RBFOX1: variants seen among roughly 807,000 people sequenced by gnomAD.
RBFOX1 encodes RNA binding protein fox-1 homolog 1.
In RBFOX1, 8 loss-of-function variants were observed where a neutral mutation model predicts 57.7. The ratio of observed to expected loss-of-function variants is 0.14; its 90% CI spans 0.08 to 0.25. RBFOX1 has a LOEUF of 0.25. Ranked by LOEUF, RBFOX1 falls within the 10% of genes least tolerant of loss-of-function variation. The pLI, the probability that RBFOX1 is intolerant of heterozygous loss-of-function variation, is 1.00. For missense variants in RBFOX1, 611 were observed against 548.5 expected, an observed-to-expected ratio of 1.11 and a Z score of -1.14; for synonymous variants, 326 against 222.4, an observed-to-expected ratio of 1.47 and a Z score of -4.15.
At chr16:7,304,496 C>T (rs554113619) in intron 4 of RBFOX1, 64 of 985,168 alleles carry the variant, frequency 6.5e-5, no homozygotes, top group African/African-American at 2.1e-4. Flanking sequence ...GTAAGGCGCG[C>T]GTCTGCCCTC....
chr16:7,257,570 G>A (rs914323556), intron 4 of RBFOX1, among the ~76,000 whole-genome samples: 2 of 152,006 alleles, frequency 1.3e-5, no homozygotes, highest in East Asian at 1.9e-4. Flanking sequence ...CCAGCCCACC[G>A]TTGCCCACCC....
At chr16:6,793,878 A>G (rs1185181356) in intron 3 of RBFOX1, among the ~76,000 whole-genome samples, 1 of 152,106 alleles carries the variant, frequency 6.6e-6, no homozygotes. Flanking sequence ...GAGTTTTTTT[A>G]AAAAGGTTAT....
At chr16:6,737,193 T>C (rs1237578873) in intron 3 of RBFOX1, among the ~76,000 whole-genome samples, 2 of 152,162 alleles carry the variant, frequency 1.3e-5, no homozygotes, top group African/African-American at 4.8e-5. Context: ...TATTTGGCTA[T>C]AGGTCAAGCA....
At chr16:6,986,414 G>A (rs1168426936) in intron 3 of RBFOX1, among the ~76,000 whole-genome samples, 1 of 151,900 alleles carries the variant, frequency 6.6e-6, no homozygotes, top group East Asian at 1.9e-4. Flanking sequence ...GGCCAGGCTG[G>A]TCTGGAACTC....
chr16:5,818,880 A>T (rs1441975821), intron 3 of RBFOX1, among the ~76,000 whole-genome samples: 1 of 152,104 alleles, frequency 6.6e-6, no homozygotes, highest in African/African-American at 2.4e-5. Flanking sequence ...AGTCTGTGTA[A>T]ATGGTTCCTC....
At chr16:6,897,070 G>A (rs527611310) in intron 3 of RBFOX1, among the ~76,000 whole-genome samples, 2 of 152,152 alleles carry the variant, frequency 1.3e-5, no homozygotes, top group African/African-American at 2.4e-5. Flanking sequence ...AATGCTGGCA[G>A]CACCTGAGGA....
intron 2 of RBFOX1, among the ~76,000 whole-genome samples, chr16:6,435,118 C>T (rs74971617): frequency 0.043 from 6,563 of 152,232 alleles, 461 homozygotes; most frequent in African/African-American, 0.15. Flanking sequence ...TCTAGGACCT[C>T]AAAGGAATGG....
At chr16:5,754,128 A>C (rs543481746) in intron 3 of RBFOX1, among the ~76,000 whole-genome samples, 2 of 152,188 alleles carry the variant, frequency 1.3e-5, no homozygotes, top group South Asian at 2.1e-4. Context: ...TAGCCATGCA[A>C]GTATTTTCCT....
intron 1 of RBFOX1, among the ~76,000 whole-genome samples, chr16:5,361,458 C>A (rs532630280): frequency 6.6e-6 from 1 of 152,184 alleles, no homozygotes; most frequent in Non-Finnish European, 1.5e-5. Context: ...AAGAAACTCT[C>A]AGTGACTGTA....
chr16:6,236,004 A>G (rs955810224), intron 1 of RBFOX1, among the ~76,000 whole-genome samples: 18 of 152,222 alleles, frequency 1.2e-4, no homozygotes, highest in African/African-American at 4.3e-4. Flanking sequence ...AACCTATGGA[A>G]ATAAAAAAAA....
chr16:6,011,810 C>T (rs141916182), intron 4 of RBFOX1, among the ~76,000 whole-genome samples: 133 of 152,240 alleles, frequency 8.7e-4, no homozygotes, highest in African/African-American at 3.2e-3. Context: ...AAGTTGGAGA[C>T]GAGGAGGTTG....
intron 2 of RBFOX1, among the ~76,000 whole-genome samples, chr16:6,331,354 G>T (rs1443581344): frequency 6.6e-6 from 1 of 152,080 alleles, no homozygotes; most frequent in Non-Finnish European, 1.5e-5. Context: ...GGCTGAGGCA[G>T]GAGAATCATT....
intron 4 of RBFOX1, among the ~76,000 whole-genome samples, chr16:7,336,139 C>A (rs1278263387): frequency 2.0e-5 from 3 of 152,204 alleles, no homozygotes; most frequent in Non-Finnish European, 1.5e-5. Flanking sequence ...CCTGGTAACA[C>A]AGGAGCCTCA....
At chr16:6,730,966 G>A (rs1212237953) in intron 3 of RBFOX1, among the ~76,000 whole-genome samples, 1 of 152,184 alleles carries the variant, frequency 6.6e-6, no homozygotes, top group Non-Finnish European at 1.5e-5. Context: ...AGAAACAGCA[G>A]TGAGGAAACA....
chr16:6,472,051 TTCTC>T (rs374286688), intron 2 of RBFOX1, among the ~76,000 whole-genome samples: 92 of 152,294 alleles, frequency 6.0e-4, no homozygotes, highest in African/African-American at 2.2e-3. Context: ...CCCCCATTCT[TTCTC>T]TATATACTGT....
At chr16:6,622,888 G>C (rs1477485034) in intron 2 of RBFOX1, among the ~76,000 whole-genome samples, 1 of 152,200 alleles carries the variant, frequency 6.6e-6, no homozygotes, top group African/African-American at 2.4e-5. Context: ...GTTCTGCCAA[G>C]TTGGGCAACA....
intron 4 of RBFOX1, among the ~76,000 whole-genome samples, chr16:7,206,727 C>T (rs956418446): frequency 5.9e-5 from 9 of 152,084 alleles, no homozygotes; most frequent in East Asian, 1.9e-4. Flanking sequence ...CAGATGCCGA[C>T]GACATTTACT....
At chr16:6,136,593 T>C (rs563394096) in intron 1 of RBFOX1, among the ~76,000 whole-genome samples, 2 of 152,200 alleles carry the variant, frequency 1.3e-5, no homozygotes, top group Non-Finnish European at 2.9e-5. Flanking sequence ...CTAAACTAAT[T>C]TAATGTAAAT....
At chr16:7,642,755 T>C (rs1296919811) in intron 11 of RBFOX1, among the ~76,000 whole-genome samples, 1 of 152,162 alleles carries the variant, frequency 6.6e-6, no homozygotes, top group Non-Finnish European at 1.5e-5. Context: ...GTTAAACTAA[T>C]AGATGATGAC....
Sources: gnomAD v4.1 joint callset for allele counts (sites outside exome capture counted in the v4.1 genomes callset) on GRCh38, gnomAD v4.1.1 for gene constraint, MANE v1.5 for transcripts, NCBI Gene and HGNC (gene_info 2026-07-23, HGNC 2026-07-21) for gene names.